Variants in PSG6 observed in about 807,000 individuals in gnomAD.
PSG6 encodes the protein pregnancy-specific beta-1-glycoprotein 6.
PSG6 carries 51 observed loss-of-function variants against 43.3 expected under a neutral mutation model. That is an observed-to-expected ratio of 1.18 (90% confidence interval 0.94 to 1.49). The LOEUF (loss-of-function observed/expected upper bound fraction) is 1.49. Among genes scored for constraint, PSG6 ranks in the 40% most tolerant of loss-of-function variants. The pLI, the probability that PSG6 is intolerant of heterozygous loss-of-function variation, is 0.00. For missense variants in PSG6, 770 were observed against 522.2 expected, an observed-to-expected ratio of 1.47 and a Z score of -4.62; for synonymous variants, 292 against 197.6, an observed-to-expected ratio of 1.48 and a Z score of -4.01.
chr19:42,906,696 C>CT lies in PSG6; in HGVS notation c.1240+225dup, dbSNP rs1373630419. The CT allele has an allele frequency of 2.7e-6, 4 of 1,461,646 alleles. No homozygotes were observed. In the African/African-American group the frequency reaches 4.3e-5, roughly 16 times the overall value. The allele number at this position is 1,461,646 out of a possible 1,614,324, so 90.5% of individuals were successfully genotyped here. A position where few individuals can be genotyped will look rare whatever the true frequency, so the allele number is the denominator to read the frequency against. The stretch of plus-strand genomic sequence containing the variant: ...TAGGGCTCAGGGCTGATAAAGCCCC[C>CT]TCCCTACCTTTCTCAGGCCAGACAC... On this transcript the variant is annotated intron_variant, in intron 5 of 5. Coordinates refer to ENST00000187910, the MANE Select transcript of PSG6 (RefSeq NM_001031850.4).
At chr19:42,905,098 C>A (rs567411999) in intron 5 of PSG6, among the ~76,000 whole-genome samples, 1 of 151,548 alleles carries the variant, frequency 6.6e-6, no homozygotes, top group African/African-American at 2.4e-5. Flanking sequence ...AGAGTGGAAC[C>A]TTTACCTAAC....
At chr19:42,903,793 TGAA>T (rs1972071717) in intron 5 of PSG6, 2 of 1,448,486 alleles carry the variant, frequency 1.4e-6, no homozygotes, top group Non-Finnish European at 1.8e-6. Flanking sequence ...CTTGGGAGGC[TGAA>T]GAAGGAGAAT....
chr19:42,909,231 A>G (rs1257731036), intron 3 of PSG6, among the ~76,000 whole-genome samples: 2 of 151,216 alleles, frequency 1.3e-5, no homozygotes, highest in Non-Finnish European at 2.9e-5. Context: ...CCATGTTTCT[A>G]GCTTGGTGAT....
intron 3 of PSG6, 54 bp downstream of exon 3, chr19:42,910,526 G>A: frequency 6.2e-7 from 1 of 1,612,528 alleles, no homozygotes; most frequent in Non-Finnish European, 8.5e-7. Flanking sequence ...CTGGCCTCTG[G>A]CCACTTGTAT....
intron 3 of PSG6, chr19:42,909,742 A>G (rs1439287184): frequency 6.6e-6 from 1 of 151,732 alleles, no homozygotes; most frequent in East Asian, 1.9e-4. Context: ...TGTCTAAAGA[A>G]TGATCTAGAA....
intron 3 of PSG6, chr19:42,910,183 A>T: frequency 2.9e-6 from 1 of 342,924 alleles, no homozygotes; most frequent in South Asian, 3.2e-5. Context: ...TGCGGAGCAA[A>T]GAGAATAATG....
At chr19:42,904,575 G>T (rs1469553323) in intron 5 of PSG6, among the ~76,000 whole-genome samples, 1 of 151,750 alleles carries the variant, frequency 6.6e-6, no homozygotes, top group South Asian at 2.1e-4. Flanking sequence ...TTAGGAATAA[G>T]TTTAACCAAA....
intron 2 of PSG6, among the ~76,000 whole-genome samples, chr19:42,911,252 G>A (rs1972219423): frequency 6.6e-6 from 1 of 151,524 alleles, no homozygotes; most frequent in South Asian, 2.1e-4. Flanking sequence ...GCCCCCTGAG[G>A]TATGTTTTCT....
intron 2 of PSG6, among the ~76,000 whole-genome samples, chr19:42,915,069 G>A (rs190271414): frequency 6.6e-6 from 1 of 151,624 alleles, no homozygotes; most frequent in Admixed American, 6.6e-5. Context: ...AATGACTATG[G>A]GGTCCTTGGA....
At chr19:42,917,509 C>T (rs1449728201) in intron 1 of PSG6, among the ~76,000 whole-genome samples, 1 of 150,816 alleles carries the variant, frequency 6.6e-6, no homozygotes, top group Non-Finnish European at 1.5e-5. Context: ...ATTACAGGAG[C>T]ACACCACCAT....
rs775206106 is a variant in PSG6 at position 42,907,378 on chromosome 19, C to G, written c.985+198G>C. Among the ~76,000 whole-genome samples the G allele has an allele frequency of 3.3e-5, 5 of 151,910 alleles. No individual in the cohort carries two copies. In the South Asian group the frequency reaches 1.0e-3, roughly 32 times the overall value. On this transcript the variant is annotated intron_variant, in intron 4 of 5. Coordinates refer to ENST00000187910, the MANE Select transcript of PSG6 (RefSeq NM_001031850.4). Reference sequence around the variant, plus strand: ...GCTGTGGGCCCCTAGTGTCCCATGACAAGAGCGCCCCTCCCCTTATATTCT... The same window carrying G: ...GCTGTGGGCCCCTAGTGTCCCATGAGAAGAGCGCCCCTCCCCTTATATTCT...
intron 2 of PSG6, among the ~76,000 whole-genome samples, chr19:42,914,438 C>A (rs1972284659): frequency 6.7e-6 from 1 of 148,330 alleles, no homozygotes. Context: ...CACAGAGAAG[C>A]AGAGAGAGGC....
chr19:42,908,900 G>A lies in PSG6; in HGVS notation c.707-1046C>T, dbSNP rs564582728. Among the ~76,000 whole-genome samples the A allele has an allele frequency of 1.9e-3, 295 of 151,826 alleles. 8 individuals carry two copies. Among genetic ancestry groups the A allele is most frequent in the African/African-American group, 6.9e-3 (284 of 41,404 alleles). ...GGCTGCTGGAAGCCAGGAGCTGGGA[G>A]TGGGGAGAATCAGAAGTTGTTCATG... On this transcript the variant is annotated intron_variant, in intron 3 of 5. Coordinates refer to ENST00000187910, the MANE Select transcript of PSG6 (RefSeq NM_001031850.4).
At chr19:42,907,902 C>T (rs1449918863) in intron 3 of PSG6, 48 bp from the exon 4 acceptor site, 5 of 1,596,408 alleles carry the variant, frequency 3.1e-6, no homozygotes, top group Non-Finnish European at 4.3e-6. Context: ...TTGATTCCTC[C>T]ACAGGCATCC....
chr19:42,914,363 T>G (rs373833811), intron 2 of PSG6, among the ~76,000 whole-genome samples: 24,924 of 149,322 alleles, frequency 0.17, 2,548 homozygotes, highest in African/African-American at 0.23. Context: ...AGGCCTAGGG[T>G]TGGAGGAAGA....
Position 42,906,698 on chromosome 19 carries a change from C to A in PSG6, c.1240+224G>T. ...GGGCTCAGGGCTGATAAAGCCCCCT[C>A]CCTACCTTTCTCAGGCCAGACACAA... On this transcript the variant is annotated intron_variant, in intron 5 of 5. Coordinates refer to ENST00000187910, the MANE Select transcript of PSG6 (RefSeq NM_001031850.4). 9 of 1,464,566 alleles carry A rather than the reference C, an allele frequency of 6.1e-6. 1 individual carries two copies. The highest frequency in any genetic ancestry group is 8.2e-6 in the Non-Finnish European group (9 of 1,100,286). The allele number at this position is 1,464,566 out of a possible 1,614,324, so 90.7% of individuals were successfully genotyped here. A position where few individuals can be genotyped will look rare whatever the true frequency, so the allele number is the denominator to read the frequency against.
intron 4 of PSG6, among the ~76,000 whole-genome samples, 163 bp downstream of exon 4, chr19:42,907,413 C>T (rs1261754738): frequency 6.6e-6 from 1 of 151,896 alleles, no homozygotes; most frequent in Non-Finnish European, 1.5e-5. Flanking sequence ...TTGGTTAAGG[C>T]TGTGCCTACC....
chr19:42,910,201 C>A, intron 3 of PSG6: 1 of 384,718 alleles, frequency 2.6e-6, no homozygotes, highest in Admixed American at 3.8e-5. Context: ...ATGTCACAGG[C>A]GATATTGTCA....
chr19:42,904,618 G>T (rs1972084235), intron 5 of PSG6, among the ~76,000 whole-genome samples: 2 of 151,608 alleles, frequency 1.3e-5, no homozygotes, highest in African/African-American at 4.8e-5. Flanking sequence ...AATCTACAAA[G>T]TATTGCTGAA....
Sources: allele counts gnomAD v4.1 joint callset (sites outside exome capture counted in the v4.1 genomes callset), GRCh38; gene constraint gnomAD v4.1.1; transcripts MANE v1.5; gene names NCBI Gene and HGNC (gene_info 2026-07-23, HGNC 2026-07-21).